DAPK1: variants seen among roughly 807,000 people sequenced by gnomAD.
DAPK1 encodes the protein death-associated protein kinase 1.
A neutral mutation model predicts 144.9 loss-of-function variants in DAPK1; 56 were observed. The ratio of observed to expected loss-of-function variants is 0.39; its 90% CI spans 0.31 to 0.48. The LOEUF (loss-of-function observed/expected upper bound fraction) is 0.48. Among genes scored for constraint, DAPK1 ranks in the 20% least tolerant of loss-of-function variants. The pLI, the probability that DAPK1 is intolerant of heterozygous loss-of-function variation, is 0.95. For missense variants in DAPK1, 1,454 were observed against 1,875.4 expected, an observed-to-expected ratio of 0.78 and a Z score of 4.15; for synonymous variants, 690 against 749.0, an observed-to-expected ratio of 0.92 and a Z score of 1.29.
chr9:87,643,497 CTT>C (rs10561388), intron 11 of DAPK1, 29 bp downstream of exon 11: 684,212 of 1,412,786 alleles, frequency 0.48, 172,269 homozygotes, highest in East Asian at 0.75. Context: ...CCTGGTGCTC[CTT>C]TCTTAGCACT....
chr9:87,596,840 A>G (rs922220280), intron 2 of DAPK1, among the ~76,000 whole-genome samples: 1 of 152,150 alleles, frequency 6.6e-6, no homozygotes, highest in Non-Finnish European at 1.5e-5. Flanking sequence ...ACAGTTTATC[A>G]TGATCTCTTA....
chr9:87,622,992 C>T (rs773471183), intron 3 of DAPK1, among the ~76,000 whole-genome samples: 2 of 152,178 alleles, frequency 1.3e-5, no homozygotes, highest in South Asian at 2.1e-4. Context: ...AAAATCCGCG[C>T]CTCAGCAAAC....
intron 21 of DAPK1, among the ~76,000 whole-genome samples, chr9:87,694,869 C>G (rs1294972847): frequency 6.6e-6 from 1 of 152,154 alleles, no homozygotes; most frequent in African/African-American, 2.4e-5. Flanking sequence ...CTGCTTCGGA[C>G]TCAGAGAGTG....
At position 87,633,210 on chromosome 9, in the gene DAPK1, A is replaced by T. The variant is rs150677421; in HGVS notation, c.285-4733A>T. 4,572 of 982,948 alleles carry T rather than the reference A, an allele frequency of 4.7e-3. 16 individuals are homozygous for T. The highest frequency in any genetic ancestry group is 4.9e-3 in the Non-Finnish European group (4,019 of 828,170). 60.9% of individuals were successfully genotyped at this position (982,948 alleles called of 1,614,324 possible). A position where few individuals can be genotyped will look rare whatever the true frequency, so the allele number is the denominator to read the frequency against. On this transcript the variant is annotated intron_variant, in intron 3 of 25. Coordinates refer to ENST00000408954, the MANE Select transcript of DAPK1 (RefSeq NM_004938.4). ...CAGTATATATGTAGGGATGAAGGAG[A>T]TTGAGTACATATGTAGGGATGAAGG... is the stretch of plus-strand genomic sequence containing the variant.
chr9:87,630,999 T>C (rs1587788719), intron 3 of DAPK1, among the ~76,000 whole-genome samples: 2 of 152,198 alleles, frequency 1.3e-5, no homozygotes, highest in Non-Finnish European at 2.9e-5. Flanking sequence ...AGAGGTGATA[T>C]GACCTCCTTA....
At chr9:87,622,439 G>A (rs1829331518) in intron 3 of DAPK1, among the ~76,000 whole-genome samples, 1 of 152,006 alleles carries the variant, frequency 6.6e-6, no homozygotes, top group Non-Finnish European at 1.5e-5. Flanking sequence ...TACAAACCAA[G>A]TCTCTGAACC....
intron 19 of DAPK1, 105 bp from the exon 20 acceptor site, chr9:87,681,297 CAT>C: frequency 1.8e-6 from 1 of 558,568 alleles, no homozygotes; most frequent in Non-Finnish European, 3.1e-6. Flanking sequence ...AAAAAAGAAA[CAT>C]ATCTTCAGCA....
At chr9:87,701,736 TTTA>T in intron 24 of DAPK1, 1 of 302,768 alleles carries the variant, frequency 3.3e-6, no homozygotes, top group Non-Finnish European at 7.1e-6. Context: ...TTTTTTTTTT[TTTA>T]ACTGCTTTGC....
intron 2 of DAPK1, among the ~76,000 whole-genome samples, chr9:87,509,656 G>C (rs571785511): frequency 1.3e-5 from 2 of 152,228 alleles, no homozygotes; most frequent in Admixed American, 1.3e-4. Flanking sequence ...CACCGCGCCC[G>C]GCCATCCTGC....
intron 18 of DAPK1, among the ~76,000 whole-genome samples, chr9:87,659,005 A>G (rs1027183668): frequency 4.6e-5 from 7 of 152,240 alleles, no homozygotes; most frequent in African/African-American, 1.4e-4. Flanking sequence ...GGACACAGCC[A>G]TGCCCAAGGT....
chr9:87,652,877 T>C (rs1830503252), intron 17 of DAPK1, among the ~76,000 whole-genome samples: 1 of 145,004 alleles, frequency 6.9e-6, no homozygotes, highest in Non-Finnish European at 1.5e-5. Context: ...TCCCGGGTCC[T>C]GATTCTGTGT....
chr9:87,571,483 A>ACCCC lies in DAPK1; in HGVS notation c.63-33470_63-33469insCCCC, dbSNP rs1564000940. ...CACACACACACACACACCAACACAC[A>ACCCC]CACACACACACCCCAACACACACAC... is the stretch of plus-strand genomic sequence containing the variant. On this transcript the variant is annotated intron_variant, in intron 2 of 25. Coordinates refer to ENST00000408954, the MANE Select transcript of DAPK1 (RefSeq NM_004938.4). Among the ~76,000 whole-genome samples, 11 of 51,992 alleles carry ACCCC rather than the reference A, an allele frequency of 2.1e-4. 1 individual carries two copies. The highest frequency in any genetic ancestry group is 5.4e-4 in the African/African-American group (5 of 9,286). The allele number at this position is 51,992 out of a possible 152,430, so 34.1% of individuals were successfully genotyped here. A position where few individuals can be genotyped will look rare whatever the true frequency, so the allele number is the denominator to read the frequency against.
intron 18 of DAPK1, 51 bp downstream of exon 18, chr9:87,658,178 C>T (rs1288241666): frequency 1.9e-5 from 14 of 749,498 alleles, no homozygotes; most frequent in Admixed American, 1.3e-4. Context: ...GAGCCTCTGG[C>T]GCCTCCAGGG....
At chr9:87,602,570 G>T (rs1203346454) in intron 2 of DAPK1, among the ~76,000 whole-genome samples, 1 of 152,110 alleles carries the variant, frequency 6.6e-6, no homozygotes, top group Non-Finnish European at 1.5e-5. Context: ...AACAGTTTTT[G>T]TATCTAGGCT....
In DAPK1 at chr9:87,700,184, G is replaced by T; in HGVS notation, c.2818G>T (p.Asp940Tyr). 6.2e-7 allele frequency: 1 copy of T among 1,606,922 alleles called. No individual in the cohort carries two copies. The highest frequency in any genetic ancestry group is 1.1e-5 in the South Asian group (1 of 90,948). Residue 940 changes from aspartate to tyrosine, a missense_variant, in exon 24 of 26, where the codon GAC becomes TAC. Physicochemically the swap from Asp to Tyr is radical, Grantham distance 160. Around this residue, in one of 2 missense-constraint regions of DAPK1, gnomAD observed 1,025 missense variants for 1,237.9 expected, o/e 0.83. Coordinates refer to ENST00000408954, the MANE Select transcript of DAPK1 (RefSeq NM_004938.4). ...VLDAGASGSKDMKVLRNHLQE... is the reference protein window; with the variant it reads ...VLDAGASGSKYMKVLRNHLQE... Reference sequence around the variant, plus strand: ...GGATGCTGGGGCTTCTGGGTCAAAGGACATGAAGGTACTTCGAAATCATCT... The same window carrying T: ...GGATGCTGGGGCTTCTGGGTCAAAGTACATGAAGGTACTTCGAAATCATCT...
At chr9:87,705,162 C>T (rs537184392) in intron 25 of DAPK1, among the ~76,000 whole-genome samples, 2 of 150,874 alleles carry the variant, frequency 1.3e-5, no homozygotes, top group East Asian at 3.9e-4. Context: ...TGTTCTCAAG[C>T]CTTTAGAGAA....
chr9:87,707,455 T>A lies in DAPK1; in HGVS notation c.*91T>A. On this transcript the variant is annotated 3_prime_UTR_variant, in exon 26 of 26. Coordinates refer to ENST00000408954, the MANE Select transcript of DAPK1 (RefSeq NM_004938.4). This position sits in a 1 kb window ranked among gnomAD's most constrained non-coding sequence, Gnocchi z 4.0. ...CTTCCCTTTGGAGATGCTGAGGGTGTTTCTTCCTGCACCCACAGCCAGGGG... is the reference window on the plus strand; with the variant it reads ...CTTCCCTTTGGAGATGCTGAGGGTGATTCTTCCTGCACCCACAGCCAGGGG... The A allele has an allele frequency of 1.1e-6, 1 of 874,220 alleles. No homozygotes were observed. Among genetic ancestry groups the A allele is most frequent in the Non-Finnish European group, 1.8e-6 (1 of 570,668 alleles). 54.2% of individuals were successfully genotyped at this position (874,220 alleles called of 1,614,324 possible).
At chr9:87,543,186 T>C (rs1416439323) in intron 2 of DAPK1, among the ~76,000 whole-genome samples, 3 of 152,228 alleles carry the variant, frequency 2.0e-5, no homozygotes, top group Non-Finnish European at 4.4e-5. Flanking sequence ...TAATTCTTGG[T>C]CGGGGCTGTG....
chr9:87,555,621 A>T (rs1754549552), intron 2 of DAPK1, among the ~76,000 whole-genome samples: 1 of 151,918 alleles, frequency 6.6e-6, no homozygotes, highest in South Asian at 2.1e-4. Flanking sequence ...TTCCTGCCTC[A>T]GCCTCCCGAG....
Sources: allele counts gnomAD v4.1 joint callset (sites outside exome capture counted in the v4.1 genomes callset), GRCh38; gene constraint gnomAD v4.1.1; regional missense constraint gnomAD v4.1.1; non-coding constraint Gnocchi (gnomAD v3.1); transcripts MANE v1.5; gene names NCBI Gene and HGNC (gene_info 2026-07-23, HGNC 2026-07-21).